Variants in C3orf62 observed in about 807,000 individuals in gnomAD.
The protein encoded by C3orf62 is uncharacterized protein C3orf62.
Under a neutral mutation model 21.7 loss-of-function variants are expected in C3orf62, and 16 were observed. That is an observed-to-expected ratio of 0.74 (90% CI 0.50 to 1.12). C3orf62 has a LOEUF of 1.12. Among genes scored for constraint, C3orf62 ranks in the 50% most tolerant of loss-of-function variants. The pLI, the probability that C3orf62 is intolerant of heterozygous loss-of-function variation, is 0.00. For missense variants in C3orf62, 310 were observed against 318.8 expected, an observed-to-expected ratio of 0.97 and a Z score of 0.21; for synonymous variants, 114 against 117.0, an observed-to-expected ratio of 0.97 and a Z score of 0.17.
chr3:49,271,115 G>T lies in C3orf62; in HGVS notation c.*65C>A. ...AATGTGGCCCCTGACGGCCATTGTAGCTGCTTCTGCTCAGGCTCAAGGGCA... is the reference window on the plus strand; with the variant it reads ...AATGTGGCCCCTGACGGCCATTGTATCTGCTTCTGCTCAGGCTCAAGGGCA... On this transcript the variant is annotated 3_prime_UTR_variant, in exon 3 of 3. Transcript: ENST00000343010. 1 of 1,515,662 alleles carries T rather than the reference G, an allele frequency of 6.6e-7. No homozygotes were observed. The highest frequency in any genetic ancestry group is 8.9e-7 in the Non-Finnish European group (1 of 1,120,136). The allele number at this position is 1,515,662 out of a possible 1,614,324, so 93.9% of individuals were successfully genotyped here.
chr3:49,275,554 G>A (rs535284349), intron 1 of C3orf62, among the ~76,000 whole-genome samples: 11 of 50,850 alleles, frequency 2.2e-4, no homozygotes, highest in South Asian at 1.6e-3. Context: ...TTTTTGATAC[G>A]GAGTCTCGCT....
chr3:49,273,296 G>C (rs2046927131), intron 2 of C3orf62, among the ~76,000 whole-genome samples: 1 of 152,130 alleles, frequency 6.6e-6, no homozygotes, highest in Admixed American at 6.5e-5. Context: ...TGTAGTACTA[G>C]TGTAGTACTA....
At chr3:49,272,458 A>G (rs2046918730) in intron 2 of C3orf62, among the ~76,000 whole-genome samples, 1 of 151,172 alleles carries the variant, frequency 6.6e-6, no homozygotes, top group African/African-American at 2.4e-5. Context: ...ATGCTATACT[A>G]TATCTATATT....
At chr3:49,274,422 T>A (rs1217139189) in intron 1 of C3orf62, 6 of 296,190 alleles carry the variant, frequency 2.0e-5, no homozygotes, top group African/African-American at 1.1e-4. Context: ...CTCGAACTCC[T>A]GGGCTCAGGC....
At chr3:49,273,698 C>G (rs7614738) in intron 2 of C3orf62, among the ~76,000 whole-genome samples, 68,490 of 151,802 alleles carry the variant, frequency 0.45, 17,868 homozygotes, top group East Asian at 0.95. Flanking sequence ...CTCTGTCCCC[C>G]AGGCTGGAGT....
Position 49,276,772 on chromosome 3 carries a change from C to T in C3orf62, c.101G>A (p.Gly34Glu). 2 of 1,614,196 alleles carry T rather than the reference C, an allele frequency of 1.2e-6. No individual in the cohort carries two copies. Among genetic ancestry groups the T allele is most frequent in the East Asian group, 2.2e-5 (1 of 44,882 alleles). The part of the protein sequence containing the change: ...LTAAIDRAFE[G>E]VSYSQECTGQ... ...TGTGCACTCCTGGGAATAACTAACT[C>T]CTTCAAAGGCCCGGTCAATGGCTGC... Residue 34 changes from glycine to glutamate, a missense_variant, in exon 1 of 3, where the codon GGA (glycine) becomes GAA (glutamate). By Grantham distance (98) the Gly-to-Glu change is moderately conservative (BLOSUM62 -2). Transcript: ENST00000343010.
rs1471818567 is a variant in C3orf62, at chr3:49,277,138, AC to A, written c.-267del. On this transcript the variant is annotated 5_prime_UTR_variant, in exon 1 of 3. An upstream open reading frame in the 5' UTR loses its in-frame stop. Transcript: ENST00000343010. ...CCGCGGCTCCCAGGCCGCTGGCCCT[AC>A]CGGCACCCCCCCTTTGGCGAGTCGG... is the stretch of plus-strand genomic sequence containing the variant. 6.9e-7 allele frequency: 1 copy of A among 1,452,100 alleles called. No homozygotes were observed. Among genetic ancestry groups the A allele is most frequent in the Non-Finnish European group, 9.1e-7 (1 of 1,092,914 alleles). 90.0% of individuals were successfully genotyped at this position (1,452,100 alleles called of 1,614,324 possible).
Position 49,276,861 on chromosome 3 carries a change from T to G in C3orf62, c.12A>C (p.Ile4=), listed in dbSNP as rs763699673. The G allele has an allele frequency of 6.2e-7, 1 of 1,611,276 alleles. No homozygotes were observed. Among genetic ancestry groups the G allele is most frequent in the Non-Finnish European group, 8.5e-7 (1 of 1,179,084 alleles). The part of the protein sequence containing the change: MHY[I]KTWSLLGEMS... ...TTTCTCCTAAAAGCGACCATGTCTT[T>G]ATGTAATGCATTGGAAATGCACAGG... Residue 4 remains isoleucine, a synonymous_variant, in exon 1 of 3, where the codon ATA becomes ATC. Transcript: ENST00000343010.
At position 49,270,198 on chromosome 3, in the gene C3orf62, C is replaced by T. The variant is rs527518719; in HGVS notation, c.*982G>A. 6.6e-6 allele frequency: 1 copy of T among 152,206 alleles called. No individual in the cohort carries two copies. Among genetic ancestry groups the T allele is most frequent in the East Asian group, 1.9e-4 (1 of 5,192 alleles). The allele number at this position is 152,206 out of a possible 1,614,324, so 9.4% of individuals were successfully genotyped here. ...CAGTTACAGATCTAACTCCTTGTTCCACTCCTTCCCCACTTCTTATACTAT... is the reference window on the plus strand; with the variant it reads ...CAGTTACAGATCTAACTCCTTGTTCTACTCCTTCCCCACTTCTTATACTAT... On this transcript the variant is annotated 3_prime_UTR_variant, in exon 3 of 3. Transcript: ENST00000343010.
Position 49,270,958 on chromosome 3 carries a change from TAAA to T in C3orf62, c.*219_*221del, listed in dbSNP as rs1008364578. 1 of 405,378 alleles carries T rather than the reference TAAA, an allele frequency of 2.5e-6. No homozygotes were observed. The highest frequency in any genetic ancestry group is 4.4e-6 in the Non-Finnish European group (1 of 225,176). 25.1% of individuals were successfully genotyped at this position (405,378 alleles called of 1,614,324 possible). Reference sequence around the variant, plus strand: ...ACACATTCAAGATGTCAAGGAAAGTTAAAAAAAAAAATCAGTAATAGGAAACAT... The same window carrying T: ...ACACATTCAAGATGTCAAGGAAAGTTAAAAAAAATCAGTAATAGGAAACAT... On this transcript the variant is annotated 3_prime_UTR_variant, in exon 3 of 3. Coordinates refer to ENST00000343010, the MANE Select transcript of C3orf62 (RefSeq NM_198562.3).
At position 49,277,150 on chromosome 3, in the gene C3orf62, C is replaced by G. The variant is rs764993697; in HGVS notation, c.-278G>C. 261 of 1,438,144 alleles carry G rather than the reference C, an allele frequency of 1.8e-4. No homozygotes were observed. Among genetic ancestry groups the G allele is most frequent in the Admixed American group, 3.1e-4 (15 of 47,840 alleles). The allele number at this position is 1,438,144 out of a possible 1,614,324, so 89.1% of individuals were successfully genotyped here. On this transcript the variant is annotated 5_prime_UTR_variant, in exon 1 of 3. Coordinates refer to ENST00000343010, the MANE Select transcript of C3orf62 (RefSeq NM_198562.3). Reference sequence around the variant, plus strand: ...GGCCGCTGGCCCTACCGGCACCCCCCCTTTGGCGAGTCGGCAGCCACGTCC... The same window carrying G: ...GGCCGCTGGCCCTACCGGCACCCCCGCTTTGGCGAGTCGGCAGCCACGTCC...
Position 49,271,526 on chromosome 3 carries a change from A to G in C3orf62, c.539-81T>C, listed in dbSNP as rs1036549946. On this transcript the variant is annotated intron_variant, in intron 2 of 2. Coordinates refer to ENST00000343010, the MANE Select transcript of C3orf62 (RefSeq NM_198562.3). Reference sequence around the variant, plus strand: ...TTCAGGTGCAAGTTAAAAACCATGAATGGGTTGTCATTTATCAGGGATTGT... The same window carrying G: ...TTCAGGTGCAAGTTAAAAACCATGAGTGGGTTGTCATTTATCAGGGATTGT... 14 of 1,463,802 alleles carry G rather than the reference A, an allele frequency of 9.6e-6. No homozygotes were observed. The African/African-American group carries it at 2.0e-4, about 21-fold the overall frequency. 90.7% of individuals were successfully genotyped at this position (1,463,802 alleles called of 1,614,324 possible). A position where few individuals can be genotyped will look rare whatever the true frequency, so the allele number is the denominator to read the frequency against.
chr3:49,275,681 C>A (rs917287080), intron 1 of C3orf62, among the ~76,000 whole-genome samples: 2 of 151,538 alleles, frequency 1.3e-5, no homozygotes, highest in African/African-American at 4.8e-5. Context: ...CAGGCGCCCG[C>A]CACCACGCCC....
At chr3:49,275,521 T>TTAG (rs2046948104) in intron 1 of C3orf62, among the ~76,000 whole-genome samples, 1 of 78,266 alleles carries the variant, frequency 1.3e-5, no homozygotes, top group Non-Finnish European at 2.6e-5. Context: ...ACTTTGAAGT[T>TTAG]TTTTTTTTTT....
chr3:49,271,800 G>C (rs2046913051), intron 2 of C3orf62, among the ~76,000 whole-genome samples: 1 of 151,842 alleles, frequency 6.6e-6, no homozygotes, highest in African/African-American at 2.4e-5. Flanking sequence ...GCCCAGCCAG[G>C]AGCGGTGGTG....
intron 2 of C3orf62, among the ~76,000 whole-genome samples, chr3:49,272,997 T>C (rs761842140): frequency 6.6e-4 from 101 of 152,182 alleles, no homozygotes; most frequent in African/African-American, 1.8e-3. Context: ...CATCTAAACA[T>C]TGATGACATG....
rs2046902775 is a variant in C3orf62, at chr3:49,269,721, C to G, written c.*1459G>C. The G allele has an allele frequency of 6.6e-6, 1 of 152,274 alleles. No individual in the cohort carries two copies. Among genetic ancestry groups the G allele is most frequent in the Non-Finnish European group, 1.5e-5 (1 of 68,070 alleles). The allele number at this position is 152,274 out of a possible 1,614,324, so 9.4% of individuals were successfully genotyped here. A position where few individuals can be genotyped will look rare whatever the true frequency, so the allele number is the denominator to read the frequency against. ...GCAGTGGCCACAACTGGTTGGGAAC[C>G]AGGGCACGCCCACTGGGGAGGCACA... is the stretch of plus-strand genomic sequence containing the variant. On this transcript the variant is annotated 3_prime_UTR_variant, in exon 3 of 3. Coordinates refer to ENST00000343010, the MANE Select transcript of C3orf62 (RefSeq NM_198562.3).
At chr3:49,271,917 A>C (rs1022138739) in intron 2 of C3orf62, among the ~76,000 whole-genome samples, 7 of 147,226 alleles carry the variant, frequency 4.8e-5, no homozygotes, top group Non-Finnish European at 8.9e-5. Context: ...TCTCAAAAAA[A>C]AAAAAAACAA....
chr3:49,274,135 T>A lies in C3orf62; in HGVS notation c.452A>T (p.Asp151Val), dbSNP rs1325366268. ...ENWRKENLRK[D>V]MERDLKADSN... ...GTCAGCCTTCAAATCTCTCTCCATA[T>A]CTTTCCTGCAGCCCCCAGGTGGGGG... Residue 151 changes from aspartate to valine, a missense_variant, in exon 2 of 3, where the codon GAT becomes GTT. Physicochemically the swap from Asp to Val is radical, Grantham distance 152. Coordinates refer to ENST00000343010, the MANE Select transcript of C3orf62 (RefSeq NM_198562.3). 10 of 1,613,206 alleles carry A rather than the reference T, an allele frequency of 6.2e-6. No individual in the cohort carries two copies. Among genetic ancestry groups the A allele is most frequent in the Middle Eastern group, 1.6e-4 (1 of 6,080 alleles).
Sources: gnomAD v4.1 joint callset for allele counts (sites outside exome capture counted in the v4.1 genomes callset) on GRCh38, gnomAD v4.1.1 for gene constraint, MANE v1.5 for transcripts, NCBI Gene and HGNC (gene_info 2026-07-23, HGNC 2026-07-21) for gene names.